The following MAF variants were observed in gnomAD, a reference collection of about 807,000 sequenced individuals.
MAF encodes MAF bZIP transcription factor.
MAF carries 10 observed loss-of-function variants against 22.0 expected under a neutral mutation model. The observed-to-expected ratio is 0.45, with a 90% CI of 0.28 to 0.77. MAF has a LOEUF of 0.77. Ranked by LOEUF, MAF falls within the 30% of genes least tolerant of loss-of-function variation. The probability of loss-of-function intolerance (pLI) is 0.12; values close to 1 mark genes in which losing one functional copy is unlikely to be tolerated. For missense variants in MAF, 544 were observed against 548.4 expected (o/e 0.99, Z 0.08); for synonymous variants, 337 against 255.8 (o/e 1.32, Z -3.03).
At chr16:79,512,470 C>T in the MAF span, among the ~76,000 whole-genome samples, 5 of 152,082 alleles carry the variant, frequency 3.3e-5, no homozygotes, top group Admixed American at 6.5e-5. Context: ...ATGTGATCAG[C>T]TTGGGTTTCA....
chr16:79,412,757 G>A, the MAF span, among the ~76,000 whole-genome samples: 2 of 152,170 alleles, frequency 1.3e-5, no homozygotes, highest in Non-Finnish European at 2.9e-5. Flanking sequence ...GCCTACTCCA[G>A]AGCTTAAAGC....
At chr16:79,568,864 A>G in the MAF span, among the ~76,000 whole-genome samples, 1 of 152,218 alleles carries the variant, frequency 6.6e-6, no homozygotes, top group African/African-American at 2.4e-5. Flanking sequence ...TAGGGGCTTT[A>G]CGTAGATTAT....
the MAF span, among the ~76,000 whole-genome samples, chr16:79,522,645 C>T: frequency 1.3e-5 from 2 of 152,110 alleles, no homozygotes; most frequent in African/African-American, 4.8e-5. Context: ...GCAAAGCAAC[C>T]TGAATGTTGC....
At chr16:79,211,682 C>A in the MAF span, 106 of 1,614,096 alleles carry the variant, frequency 6.6e-5, no homozygotes, top group Non-Finnish European at 8.7e-5. Flanking sequence ...TGTACTTCAA[C>A]AACTGCTGCC....
chr16:79,482,527 A>C, the MAF span, among the ~76,000 whole-genome samples: 2 of 152,140 alleles, frequency 1.3e-5, no homozygotes, highest in African/African-American at 4.8e-5. Context: ...GAAGGAGCAC[A>C]ATCTGATGAG....
downstream of MAF, among the ~76,000 whole-genome samples, chr16:79,590,978 T>C (rs902622649): frequency 6.6e-6 from 1 of 152,046 alleles, no homozygotes; most frequent in Non-Finnish European, 1.5e-5. Flanking sequence ...AGGGCAACTA[T>C]AGGTTGCAAA....
chr16:79,214,894 C>T, the MAF span, among the ~76,000 whole-genome samples: 1,384 of 149,550 alleles, frequency 9.3e-3, 25 homozygotes, highest in African/African-American at 0.033. Context: ...TATTTTCAGT[C>T]GAGATGGGTT....
At chr16:79,403,150 A>C in the MAF span, among the ~76,000 whole-genome samples, 1 of 152,230 alleles carries the variant, frequency 6.6e-6, no homozygotes, top group Non-Finnish European at 1.5e-5. Context: ...ATCATCGCAT[A>C]ATAGCCAGCA....
rs776147989 is a variant in MAF, at chr16:79,599,061, A to T, written c.842T>A (p.Val281Asp). The change falls in exon 1 of 2, where the codon GTC becomes GAC. Residue 281 changes from valine to aspartate, a missense_variant. By Grantham distance (152) the Val-to-Asp change is radical. Around this residue, in one of 5 missense-constraint regions of MAF, gnomAD observed 342 missense variants for 315.5 expected, o/e 1.08. Transcript: ENST00000326043. ...VRELNRQLRG[V>D]SKEEVIRLKQ... The stretch of plus-strand genomic sequence containing the variant: ...CAGCCGGATCACCTCCTCCTTGCTG[A>T]CCCCGCGCAGCTGCCGGTTCAGCTC... 6.2e-7 allele frequency: 1 copy of T among 1,610,452 alleles called. No homozygotes were observed. Among genetic ancestry groups the T allele is most frequent in the Admixed American group, 1.7e-5 (1 of 59,904 alleles).
chr16:79,559,430 G>C, the MAF span, among the ~76,000 whole-genome samples: 7 of 152,174 alleles, frequency 4.6e-5, no homozygotes, highest in Non-Finnish European at 1.0e-4. Flanking sequence ...CAGAGGGGAA[G>C]TCTTCGAGTG....
At chr16:79,589,410 A>C (rs1390987887), downstream of MAF, among the ~76,000 whole-genome samples, 1 of 152,152 alleles carries the variant, frequency 6.6e-6, no homozygotes, top group African/African-American at 2.4e-5. Flanking sequence ...TTCCATAAAG[A>C]TTTTTAAACA....
the MAF span, among the ~76,000 whole-genome samples, chr16:79,302,431 A>G: frequency 6.6e-6 from 1 of 152,220 alleles, no homozygotes; most frequent in Non-Finnish European, 1.5e-5. Flanking sequence ...ACTGCACGTT[A>G]ATACCTTGTG....
the MAF span, among the ~76,000 whole-genome samples, chr16:79,351,192 C>T: frequency 6.6e-6 from 1 of 152,192 alleles, no homozygotes; most frequent in African/African-American, 2.4e-5. Flanking sequence ...GGAAAACTCT[C>T]TTGGCTTGTT....
At chr16:79,336,330 G>A in the MAF span, among the ~76,000 whole-genome samples, 11 of 152,186 alleles carry the variant, frequency 7.2e-5, no homozygotes, top group Non-Finnish European at 5.9e-5. Flanking sequence ...TTGTAAAGGA[G>A]CGAACCAAGG....
At chr16:79,443,909 G>C in the MAF span, among the ~76,000 whole-genome samples, 7 of 148,944 alleles carry the variant, frequency 4.7e-5, no homozygotes, top group Non-Finnish European at 1.5e-5. Context: ...ACTTGTGGTT[G>C]TTTTTTTTTT....
the MAF span, among the ~76,000 whole-genome samples, chr16:79,510,735 G>A: frequency 6.6e-6 from 1 of 152,158 alleles, no homozygotes; most frequent in Non-Finnish European, 1.5e-5. Context: ...TAGCTGTCTT[G>A]ACATTTTAAT....
the MAF span, among the ~76,000 whole-genome samples, chr16:79,415,044 A>G: frequency 6.6e-6 from 1 of 152,184 alleles, no homozygotes; most frequent in Non-Finnish European, 1.5e-5. Context: ...TCATTGAACA[A>G]AACTATTCCC....
At chr16:79,224,218 G>A in the MAF span, among the ~76,000 whole-genome samples, 10,337 of 152,180 alleles carry the variant, frequency 0.068, 404 homozygotes, top group Non-Finnish European at 0.097. Flanking sequence ...ATGCAAATCA[G>A]TAAACGTAAT....
chr16:79,221,291 T>C, the MAF span, among the ~76,000 whole-genome samples: 1 of 152,200 alleles, frequency 6.6e-6, no homozygotes, highest in Admixed American at 6.5e-5. Flanking sequence ...TTGGCTGCCT[T>C]CAAACCCACT....
Sources: gnomAD v4.1 joint callset for allele counts (sites outside exome capture counted in the v4.1 genomes callset) on GRCh38, gnomAD v4.1.1 for gene constraint, gnomAD v4.1.1 regional missense constraint, MANE v1.5 for transcripts, NCBI Gene and HGNC (gene_info 2026-07-23, HGNC 2026-07-21) for gene names.